The following ASB15 variants were observed in gnomAD, a reference collection of about 807,000 sequenced individuals.
ASB15 encodes ankyrin repeat and SOCS box protein 15.
A neutral mutation model predicts 58.0 loss-of-function variants in ASB15; 54 were observed. That is an observed-to-expected ratio of 0.93 (90% confidence interval 0.75 to 1.17). The LOEUF (loss-of-function observed/expected upper bound fraction) is 1.17, where lower values mean the gene tolerates loss of function less well. Ranked by LOEUF, ASB15 falls within the 50% of genes most tolerant of loss-of-function variation. The pLI is 0.00. For missense variants in ASB15, 680 were observed against 707.4 expected, an observed-to-expected ratio of 0.96 and a Z score of 0.44; for synonymous variants, 249 against 262.4, an observed-to-expected ratio of 0.95 and a Z score of 0.50.
intron 11 of ASB15, among the ~76,000 whole-genome samples, chr7:123,632,689 C>T (rs935489591): frequency 2.0e-5 from 3 of 152,028 alleles, no homozygotes; most frequent in Non-Finnish European, 4.4e-5. Flanking sequence ...CAGCTAAAAA[C>T]ATTGATGACA....
chr7:123,628,995 T>A lies in ASB15; in HGVS notation c.1001T>A (p.Val334Asp). 1 of 1,613,748 alleles carries A rather than the reference T, an allele frequency of 6.2e-7. No homozygotes were observed. ...LELLIENGFDVNTLLADHISQ... is the reference protein window; with the variant it reads ...LELLIENGFDDNTLLADHISQ... ...CTGCTCATTGAAAATGGTTTTGATG[T>A]CAACACTCTACTTGCTGACCACATT... Residue 334 changes from valine to aspartate, a missense_variant, in exon 10 of 12, where the codon GTC becomes GAC. By Grantham distance (152) the Val-to-Asp change is radical. Transcript: ENST00000451215.
intron 1 of ASB15, among the ~76,000 whole-genome samples, chr7:123,593,072 A>T (rs1490022792): frequency 6.6e-6 from 1 of 151,880 alleles, no homozygotes; most frequent in African/African-American, 2.4e-5. Flanking sequence ...AGTTTGTTTT[A>T]TCAGAGACCA....
intron 4 of ASB15, chr7:123,615,382 A>T (rs1800735446): frequency 6.6e-6 from 1 of 152,166 alleles, no homozygotes; most frequent in Admixed American, 6.5e-5. Flanking sequence ...TCCAGTGTTT[A>T]AAAATTGTTG....
In ASB15 at chr7:123,627,163, G is replaced by A. The variant is rs1801844697; in HGVS notation, c.751G>A (p.Ala251Thr). The A allele has an allele frequency of 1.2e-6, 2 of 1,613,994 alleles. No homozygotes were observed. Among genetic ancestry groups the A allele is most frequent in the East Asian group, 4.5e-5 (2 of 44,872 alleles). The change falls in exon 9 of 12, where the codon GCA (alanine) becomes ACA (threonine). Residue 251 changes from alanine (A) to threonine (T), a missense_variant. Ala to Thr is a moderately conservative substitution (Grantham distance 58). Transcript: ENST00000451215. ...DDGASVLFEAAGGGNPDCISL... is the reference protein window; with the variant it reads ...DDGASVLFEATGGGNPDCISL... The stretch of plus-strand genomic sequence containing the variant: ...TGGGGCGTCGGTGCTGTTTGAGGCA[G>A]CAGGAGGTGGCAATCCCGACTGCAT...
chr7:123,573,288 CT>C lies in ASB15; in HGVS notation c.-443+6217del, dbSNP rs35889563. On this transcript the variant is annotated intron_variant, in intron 1 of 13. Coordinates refer to the ASB15 transcript ENST00000451558. Reference sequence around the variant, plus strand: ...AACCTCTCCTTTCCCTCTGGATTTGCTTTTTTTTTTTTTTTTTGTCATCTTA... The same window carrying C: ...AACCTCTCCTTTCCCTCTGGATTTGCTTTTTTTTTTTTTTTTGTCATCTTA... Among the ~76,000 whole-genome samples the C allele has an allele frequency of 2.7e-3, 314 of 117,876 alleles. 1 individual carries two copies. The highest frequency in any genetic ancestry group is 0.014 in the East Asian group (56 of 3,964). 77.3% of individuals were successfully genotyped at this position (117,876 alleles called of 152,430 possible). A position where few individuals can be genotyped will look rare whatever the true frequency, so the allele number is the denominator to read the frequency against.
upstream of ASB15, among the ~76,000 whole-genome samples, chr7:123,597,830 G>GA (rs573072523): frequency 2.8e-3 from 426 of 149,598 alleles, no homozygotes; most frequent in Non-Finnish European, 5.2e-3. Context: ...GACTTCATCT[G>GA]AAAAAAAAAT....
At chr7:123,590,853 G>T (rs1799517376) in intron 1 of ASB15, among the ~76,000 whole-genome samples, 1 of 152,162 alleles carries the variant, frequency 6.6e-6, no homozygotes, top group African/African-American at 2.4e-5. Context: ...GTGGTAGCTT[G>T]ATGGGGAGGG....
chr7:123,601,195 T>G (rs1799864896), upstream of ASB15, among the ~76,000 whole-genome samples: 1 of 152,164 alleles, frequency 6.6e-6, no homozygotes, highest in Admixed American at 6.6e-5. Flanking sequence ...TAAACTTAAT[T>G]GGTTTTTTAA....
At chr7:123,605,408 G>T (rs772942507) in intron 2 of ASB15, among the ~76,000 whole-genome samples, 22 of 152,152 alleles carry the variant, frequency 1.4e-4, no homozygotes, top group Non-Finnish European at 2.8e-4. Context: ...ATGTAACTTA[G>T]TTCGGCCACT....
intron 9 of ASB15, among the ~76,000 whole-genome samples, chr7:123,628,466 T>C (rs1801934866): frequency 6.6e-6 from 1 of 152,192 alleles, no homozygotes; most frequent in South Asian, 2.1e-4. Context: ...ATGATCCTAA[T>C]GGTCAAGATT....
At chr7:123,590,902 T>G (rs1040104706) in intron 1 of ASB15, among the ~76,000 whole-genome samples, 2 of 152,194 alleles carry the variant, frequency 1.3e-5, no homozygotes, top group Non-Finnish European at 2.9e-5. Context: ...TATGGCCATT[T>G]TCACGATACT....
chr7:123,578,156 A>C (rs976225881), intron 1 of ASB15, among the ~76,000 whole-genome samples: 3 of 150,372 alleles, frequency 2.0e-5, no homozygotes, highest in Non-Finnish European at 4.4e-5. Context: ...ATAGTAAAAT[A>C]AATTTCAAAT....
intron 11 of ASB15, among the ~76,000 whole-genome samples, chr7:123,636,395 G>A (rs1283754873): frequency 6.6e-6 from 1 of 152,122 alleles, no homozygotes; most frequent in African/African-American, 2.4e-5. Flanking sequence ...CATCTGTGTC[G>A]ATGTTTCATG....
chr7:123,597,195 G>T (rs1212934155), upstream of ASB15, among the ~76,000 whole-genome samples: 3 of 152,076 alleles, frequency 2.0e-5, no homozygotes, highest in Non-Finnish European at 4.4e-5. Context: ...GCTCTGTTCT[G>T]CTTAGAACAT....
intron 7 of ASB15, among the ~76,000 whole-genome samples, chr7:123,619,012 A>G (rs1801029545): frequency 6.6e-6 from 1 of 151,802 alleles, no homozygotes; most frequent in Admixed American, 6.6e-5. Context: ...CGTCTCTACT[A>G]AAAATACAAA....
chr7:123,605,020 G>C (rs1362050818), intron 2 of ASB15, among the ~76,000 whole-genome samples: 1 of 151,914 alleles, frequency 6.6e-6, no homozygotes, highest in Non-Finnish European at 1.5e-5. Context: ...TCAATGGCCT[G>C]TACATGATTT....
In ASB15 at chr7:123,629,193, T is replaced by C; in HGVS notation, c.1199T>C (p.Leu400Pro). Residue 400 changes from leucine to proline, a missense_variant, in exon 10 of 12, where the codon CTC becomes CCC. Transcript: ENST00000451215. ...AATTATGAAATTGTCAGGCTGCTTC[T>C]CTCCCATGGAGCTAATGTCAATTGT... ...ANNYEIVRLLLSHGANVNCYF... is the reference protein window; with the variant it reads ...ANNYEIVRLLPSHGANVNCYF... The C allele has an allele frequency of 1.9e-6, 3 of 1,613,946 alleles. No homozygotes were observed. The highest frequency in any genetic ancestry group is 2.5e-6 in the Non-Finnish European group (3 of 1,179,808).
chr7:123,568,085 AC>A (rs1798807585), intron 1 of ASB15, among the ~76,000 whole-genome samples: 1 of 152,204 alleles, frequency 6.6e-6, no homozygotes, highest in African/African-American at 2.4e-5. Flanking sequence ...AAGCGCCATT[AC>A]CCAGTTTTAT....
intron 4 of ASB15, among the ~76,000 whole-genome samples, chr7:123,615,747 G>A (rs1321649302): frequency 1.3e-5 from 2 of 152,264 alleles, no homozygotes; most frequent in African/African-American, 4.8e-5. Context: ...TATCTTATTA[G>A]CAATTATTAA....
Sources: allele counts gnomAD v4.1 joint callset (sites outside exome capture counted in the v4.1 genomes callset), GRCh38; gene constraint gnomAD v4.1.1; transcripts MANE v1.5; gene names NCBI Gene and HGNC (gene_info 2026-07-23, HGNC 2026-07-21).